The following DSCAML1 variants were observed in gnomAD, a reference collection of about 807,000 sequenced individuals.
The protein encoded by DSCAML1 is DS cell adhesion molecule like 1, also known as cell adhesion molecule DSCAML1.
In DSCAML1, 38 loss-of-function variants were observed where a neutral mutation model predicts 200.5. That is an observed-to-expected ratio of 0.19 (90% CI 0.15 to 0.25). The LOEUF is 0.25. Among genes scored for constraint, DSCAML1 ranks in the 10% least tolerant of loss-of-function variants. The pLI, the probability that DSCAML1 is intolerant of heterozygous loss-of-function variation, is 1.00. For missense variants in DSCAML1, 2,223 were observed against 2,858.8 expected (o/e 0.78, Z 5.07); for synonymous variants, 1,215 against 1,165.0 (o/e 1.04, Z -0.87).
In DSCAML1 at chr11:117,710,975, C is replaced by T. The variant is rs561962527; in HGVS notation, c.511+65816G>A. ...CTATATCCAGTGAGGGTTGTTCTAC[C>T]TCTATGCCCATCCTAGCTCCCATAT... On this transcript the variant is annotated intron_variant, in intron 3 of 32. Coordinates refer to ENST00000651296, the MANE Select transcript of DSCAML1 (RefSeq NM_020693.4). Among the ~76,000 whole-genome samples, 244 of 152,286 alleles carry T rather than the reference C, an allele frequency of 1.6e-3. 1 individual carries two copies. The highest frequency in any genetic ancestry group is 5.5e-3 in the African/African-American group (230 of 41,530).
intron 14 of DSCAML1, among the ~76,000 whole-genome samples, chr11:117,479,689 C>T (rs753670412): frequency 5.9e-5 from 9 of 152,018 alleles, no homozygotes; most frequent in African/African-American, 9.7e-5. Context: ...CACTCTGTTG[C>T]CCAGGCTGGA....
intron 3 of DSCAML1, among the ~76,000 whole-genome samples, chr11:117,573,978 C>T (rs1388693600): frequency 6.6e-6 from 1 of 152,190 alleles, no homozygotes; most frequent in Non-Finnish European, 1.5e-5. Context: ...CTCTGCTTCC[C>T]CCTGAGCTCC....
At chr11:117,748,621 G>A (rs900696505) in intron 3 of DSCAML1, among the ~76,000 whole-genome samples, 4 of 152,182 alleles carry the variant, frequency 2.6e-5, no homozygotes, top group Admixed American at 1.3e-4. Context: ...GTCCTCTTTC[G>A]CCTGCAATCC....
Position 117,471,857 on chromosome 11 carries a change from T to C in DSCAML1, c.2953+12A>G. ...GAGGCCATGGGCAGGGCAGGCTGGG[T>C]GAGGTGCTCACCGGCCTCCTCAGTG... On this transcript the variant is annotated intron_variant, in intron 15 of 32. Coordinates refer to ENST00000651296, the MANE Select transcript of DSCAML1 (RefSeq NM_020693.4). The C allele has an allele frequency of 6.3e-7, 1 of 1,596,606 alleles. No homozygotes were observed. Among genetic ancestry groups the C allele is most frequent in the Non-Finnish European group, 8.6e-7 (1 of 1,169,568 alleles).
At chr11:117,578,671 A>G (rs1376263820) in intron 3 of DSCAML1, among the ~76,000 whole-genome samples, 1 of 152,168 alleles carries the variant, frequency 6.6e-6, no homozygotes, top group Non-Finnish European at 1.5e-5. Context: ...TGTGGTCTCA[A>G]AAATCAATAA....
In DSCAML1 at chr11:117,681,137, C is replaced by G. The variant is rs565187239; in HGVS notation, c.511+95654G>C. 3.3e-5 allele frequency among the ~76,000 whole-genome samples: 5 copies of G among 152,288 alleles called. 1 individual carries two copies. The South Asian group carries it at 1.0e-3, about 32-fold the overall frequency. ...AACACGCATCTGCAAACCCACCCTTCTCTCTCCCACCCACGCCCTCCAAGC... is the reference window on the plus strand; with the variant it reads ...AACACGCATCTGCAAACCCACCCTTGTCTCTCCCACCCACGCCCTCCAAGC... On this transcript the variant is annotated intron_variant, in intron 3 of 32. Coordinates refer to ENST00000651296, the MANE Select transcript of DSCAML1 (RefSeq NM_020693.4).
rs187841633 is a variant in DSCAML1, at chr11:117,489,630, C to T, written c.2360-7468G>A. On this transcript the variant is annotated intron_variant, in intron 11 of 32. Coordinates refer to ENST00000651296, the MANE Select transcript of DSCAML1 (RefSeq NM_020693.4). The surrounding 1 kb of genome is among the most constrained non-coding windows in gnomAD (Gnocchi z 4.8). ...GTGAAGACCCTGGTGTGAAGACGGC[C>T]CATTTCATTCAAGCCTCAGTTACAG... 1.1e-4 allele frequency among the ~76,000 whole-genome samples: 17 copies of T among 152,222 alleles called. No homozygotes were observed. The highest frequency in any genetic ancestry group is 1.6e-4 in the Non-Finnish European group (11 of 67,984).
At chr11:117,627,761 C>A (rs551423820) in intron 3 of DSCAML1, among the ~76,000 whole-genome samples, 1 of 152,106 alleles carries the variant, frequency 6.6e-6, no homozygotes, top group African/African-American at 2.4e-5. Flanking sequence ...AGGCTGAATG[C>A]GGCTGAGCTG....
chr11:117,641,439 T>C (rs1224711256), intron 3 of DSCAML1, among the ~76,000 whole-genome samples: 2 of 152,206 alleles, frequency 1.3e-5, no homozygotes, highest in African/African-American at 4.8e-5. Flanking sequence ...TGACTTCCCC[T>C]GTGTCTCACA....
At chr11:117,660,157 C>G (rs1368883324) in intron 3 of DSCAML1, among the ~76,000 whole-genome samples, 1 of 152,188 alleles carries the variant, frequency 6.6e-6, no homozygotes, top group Non-Finnish European at 1.5e-5. Context: ...AATACATAAG[C>G]AGGGGCTCCT....
At chr11:117,595,890 C>A (rs776622097) in intron 3 of DSCAML1, among the ~76,000 whole-genome samples, 1 of 152,114 alleles carries the variant, frequency 6.6e-6, no homozygotes, top group South Asian at 2.1e-4. Context: ...TGGAAATATG[C>A]AGATAGAAGT....
chr11:117,682,370 G>A (rs1484113977), intron 3 of DSCAML1, among the ~76,000 whole-genome samples: 1 of 152,040 alleles, frequency 6.6e-6, no homozygotes, highest in African/African-American at 2.4e-5. Flanking sequence ...CCTCCCATGA[G>A]CCACTCATTC....
At chr11:117,591,039 G>T (rs1263545034) in intron 3 of DSCAML1, among the ~76,000 whole-genome samples, 6 of 151,978 alleles carry the variant, frequency 3.9e-5, no homozygotes. Flanking sequence ...GGGTATATGA[G>T]GTTCATTGTT....
At chr11:117,685,821 C>T (rs1487720673) in intron 3 of DSCAML1, among the ~76,000 whole-genome samples, 5 of 152,078 alleles carry the variant, frequency 3.3e-5, no homozygotes, top group African/African-American at 1.2e-4. Flanking sequence ...TCCTGTCATT[C>T]GTGAAGGGAG....
Position 117,780,515 on chromosome 11 carries a change from G to A in DSCAML1, c.342C>T (p.Ser114=). 5 of 1,452,368 alleles carry A rather than the reference G, an allele frequency of 3.4e-6. No individual in the cohort carries two copies. Among genetic ancestry groups the A allele is most frequent in the Non-Finnish European group, 4.6e-6 (5 of 1,096,150 alleles). 90.0% of individuals were successfully genotyped at this position (1,452,368 alleles called of 1,614,324 possible). A position where few individuals can be genotyped will look rare whatever the true frequency, so the allele number is the denominator to read the frequency against. Residue 114 remains serine (S), a synonymous_variant, in exon 2 of 33, where the codon AGC becomes AGT. Transcript: ENST00000651296. The surrounding 1 kb of genome is among the most constrained non-coding windows in gnomAD (Gnocchi z 4.8). The stretch of plus-strand genomic sequence containing the variant: ...TACCTGCTTTGACGCGGATGTTGGG[G>A]CTCCGGATCTTGCCGGCAGCGTTCT... ...TAENAAGKIR[S]PNIRVKAVFR... is the part of the protein sequence containing the mutation.
At chr11:117,522,377 G>A (rs115548449) in intron 5 of DSCAML1, among the ~76,000 whole-genome samples, 620 of 152,268 alleles carry the variant, frequency 4.1e-3, no homozygotes, top group African/African-American at 7.1e-3. Flanking sequence ...GCAGGGTGAC[G>A]TCTCTCAGCC....
At chr11:117,607,198 C>T (rs1810345069) in intron 3 of DSCAML1, among the ~76,000 whole-genome samples, 1 of 152,202 alleles carries the variant, frequency 6.6e-6, no homozygotes, top group Non-Finnish European at 1.5e-5. Context: ...GGCCTTGTCT[C>T]CTGACACCAA....
rs190010759 is a variant in DSCAML1 at position 117,461,368 on chromosome 11, C to A, written c.3412+82G>T. 66 of 1,583,216 alleles carry A rather than the reference C, an allele frequency of 4.2e-5. No individual in the cohort carries two copies. In the African/African-American group the frequency reaches 7.8e-4, roughly 19 times the overall value. ...TCTTGCCAAGCTGTGGGAGGATGCTCAGCTCTAACTACGCCTGGAAGCAGA... is the reference window on the plus strand; with the variant it reads ...TCTTGCCAAGCTGTGGGAGGATGCTAAGCTCTAACTACGCCTGGAAGCAGA... On this transcript the variant is annotated intron_variant, in intron 18 of 32. Coordinates refer to ENST00000651296, the MANE Select transcript of DSCAML1 (RefSeq NM_020693.4).
chr11:117,656,272 T>C (rs1032116366), intron 3 of DSCAML1, among the ~76,000 whole-genome samples: 1 of 152,156 alleles, frequency 6.6e-6, no homozygotes, highest in African/African-American at 2.4e-5. Context: ...GAGCACCGGA[T>C]CTGGAGTCAG....
Sources: allele counts gnomAD v4.1 joint callset (sites outside exome capture counted in the v4.1 genomes callset), GRCh38; gene constraint gnomAD v4.1.1; non-coding constraint Gnocchi (gnomAD v3.1); transcripts MANE v1.5; gene names NCBI Gene and HGNC (gene_info 2026-07-23, HGNC 2026-07-21).